Variants in NT5M observed in about 807,000 individuals in gnomAD.
The protein encoded by NT5M is 5',3'-nucleotidase, mitochondrial.
Under a neutral mutation model 22.2 loss-of-function variants are expected in NT5M, and 22 were observed. That is an observed-to-expected ratio of 0.99 (90% CI 0.71 to 1.41). The LOEUF (loss-of-function observed/expected upper bound fraction) is 1.41. Among genes scored for constraint, NT5M ranks in the 40% most tolerant of loss-of-function variants. The pLI is 0.00. For synonymous variants in NT5M, 167 were observed against 133.0 expected, an observed-to-expected ratio of 1.26 and a Z score of -1.76; for missense variants, 322 against 314.8, an observed-to-expected ratio of 1.02 and a Z score of -0.17.
chr17:17,320,097 C>T (rs2049119496), intron 2 of NT5M, among the ~76,000 whole-genome samples: 1 of 152,342 alleles, frequency 6.6e-6, no homozygotes, highest in Admixed American at 6.5e-5. Flanking sequence ...TTGCCTTGGC[C>T]ACTGAAAGTG....
chr17:17,335,164 CATG>C (rs1227559924), intron 3 of NT5M, among the ~76,000 whole-genome samples: 4 of 151,938 alleles, frequency 2.6e-5, no homozygotes, highest in Admixed American at 1.3e-4. Context: ...GGTAAATACA[CATG>C]ATAAAATTTA....
intron 3 of NT5M, among the ~76,000 whole-genome samples, chr17:17,328,999 A>G (rs189826773): frequency 3.9e-5 from 6 of 152,214 alleles, no homozygotes; most frequent in African/African-American, 1.4e-4. Context: ...TATTTTTTAG[A>G]CGGAGTCTCG....
intron 3 of NT5M, among the ~76,000 whole-genome samples, chr17:17,330,236 G>A (rs12951434): frequency 0.22 from 31,972 of 148,582 alleles, 3,597 homozygotes; most frequent in South Asian, 0.29. Context: ...TGAGACAGAG[G>A]TTGCAGTGAG....
At chr17:17,338,777 A>G (rs2049577811) in intron 3 of NT5M, among the ~76,000 whole-genome samples, 1 of 123,884 alleles carries the variant, frequency 8.1e-6, no homozygotes, top group Non-Finnish European at 1.6e-5. Context: ...CCCAAGCTGG[A>G]GTGCAGTGGC....
At chr17:17,321,749 G>A (rs1473270060) in intron 2 of NT5M, among the ~76,000 whole-genome samples, 1 of 151,888 alleles carries the variant, frequency 6.6e-6, no homozygotes, top group Non-Finnish European at 1.5e-5. Context: ...GGCCTGGGTG[G>A]AGGATGAGAA....
intron 1 of NT5M, chr17:17,304,510 CAG>C (rs746432991): frequency 3.8e-5 from 34 of 892,360 alleles, no homozygotes; most frequent in African/African-American, 1.4e-4. Context: ...GCAAAAGGAA[CAG>C]GGGATTTTGG....
At chr17:17,323,599 T>A (rs2145375760) in intron 3 of NT5M, among the ~76,000 whole-genome samples, 1 of 152,232 alleles carries the variant, frequency 6.6e-6, no homozygotes, top group East Asian at 1.9e-4. Context: ...ATACTCACTT[T>A]ATTATCTTTA....
At position 17,303,593 on chromosome 17, in the gene NT5M, G is replaced by C. The variant is rs570713467; in HGVS notation, c.43G>C (p.Ala15Pro). ...GGWCARRLCS[A>P]AVPAGRRGAA... is the part of the protein sequence containing the mutation. Reference sequence around the variant, plus strand: ...CTGGTGTGCGCGGCGGCTCTGCAGCGCGGCGGTTCCCGCGGGGCGGCGCGG... The same window carrying C: ...CTGGTGTGCGCGGCGGCTCTGCAGCCCGGCGGTTCCCGCGGGGCGGCGCGG... The change falls in exon 1 of 5, where the codon GCG becomes CCG. Residue 15 changes from alanine to proline, a missense_variant. Coordinates refer to ENST00000389022, the MANE Select transcript of NT5M (RefSeq NM_020201.4). 2 of 1,200,034 alleles carry C rather than the reference G, an allele frequency of 1.7e-6. No homozygotes were observed. The highest frequency in any genetic ancestry group is 3.2e-5 in the African/African-American group (2 of 62,068). The allele number at this position is 1,200,034 out of a possible 1,614,324, so 74.3% of individuals were successfully genotyped here. A position where few individuals can be genotyped will look rare whatever the true frequency, so the allele number is the denominator to read the frequency against.
intron 2 of NT5M, among the ~76,000 whole-genome samples, chr17:17,309,673 ATCT>A (rs762913674): frequency 2.2e-5 from 2 of 90,684 alleles, no homozygotes; most frequent in Non-Finnish European, 4.2e-5. Flanking sequence ...ATGCTCAAGC[ATCT>A]TTTTTTTTTT....
intron 1 of NT5M, among the ~76,000 whole-genome samples, chr17:17,305,816 T>C (rs1479799751): frequency 6.6e-6 from 1 of 151,946 alleles, no homozygotes; most frequent in African/African-American, 2.4e-5. Context: ...CAGCGGGGGT[T>C]GGGGAGTGGG....
intron 3 of NT5M, among the ~76,000 whole-genome samples, chr17:17,333,152 T>A (rs1245499191): frequency 6.6e-6 from 1 of 152,232 alleles, no homozygotes; most frequent in Non-Finnish European, 1.5e-5. Flanking sequence ...ATATTTTCTG[T>A]AACGAAATGT....
At chr17:17,304,262 G>C (rs2048743897) in intron 1 of NT5M, 1 of 281,426 alleles carries the variant, frequency 3.6e-6, no homozygotes, top group African/African-American at 2.3e-5. Context: ...AGCTTCCAGG[G>C]GTATTTGAGG....
In NT5M at chr17:17,306,562, G is replaced by C. The variant is rs767906119; in HGVS notation, c.287G>C (p.Trp96Ser). Reference sequence around the variant, plus strand: ...TCTCAGGAGAAGGCCATCAGCATTTGGGAGTCAAAGAATTTCTTTTTTGAA... The same window carrying C: ...TCTCAGGAGAAGGCCATCAGCATTTCGGAGTCAAAGAATTTCTTTTTTGAA... The part of the protein sequence containing the change: ...PGLSEKAISI[W>S]ESKNFFFELE... Residue 96 changes from tryptophan (W) to serine (S), a missense_variant, in exon 2 of 5, where the codon TGG becomes TCG. Trp to Ser is a radical substitution (Grantham distance 177, BLOSUM62 -3). Coordinates refer to ENST00000389022, the MANE Select transcript of NT5M (RefSeq NM_020201.4). 2 of 1,613,912 alleles carry C rather than the reference G, an allele frequency of 1.2e-6. No individual in the cohort carries two copies. Among genetic ancestry groups the C allele is most frequent in the Non-Finnish European group, 1.7e-6 (2 of 1,179,886 alleles).
At chr17:17,328,447 G>A (rs1032381661) in intron 3 of NT5M, among the ~76,000 whole-genome samples, 5 of 152,158 alleles carry the variant, frequency 3.3e-5, no homozygotes, top group African/African-American at 1.2e-4. Context: ...CTCACCCACC[G>A]TTTGTGCCCC....
intron 2 of NT5M, among the ~76,000 whole-genome samples, chr17:17,317,962 C>A (rs1317397511): frequency 9.2e-3 from 677 of 73,708 alleles, no homozygotes; most frequent in African/African-American, 0.015. Context: ...ACTCCATGAT[C>A]AAAAAAAAAA....
intron 3 of NT5M, among the ~76,000 whole-genome samples, chr17:17,339,304 T>C (rs1178394272): frequency 6.6e-6 from 1 of 152,164 alleles, no homozygotes; most frequent in African/African-American, 2.4e-5. Flanking sequence ...TCAGGATTGT[T>C]CCTGTTTTTT....
At chr17:17,311,520 C>T (rs2048922596) in intron 2 of NT5M, among the ~76,000 whole-genome samples, 3 of 152,154 alleles carry the variant, frequency 2.0e-5, no homozygotes, top group Admixed American at 2.0e-4. Context: ...TGTATTCACA[C>T]TCTTGCTGAG....
intron 3 of NT5M, among the ~76,000 whole-genome samples, chr17:17,324,421 T>C (rs2049222159): frequency 6.6e-6 from 1 of 150,784 alleles, no homozygotes; most frequent in South Asian, 2.1e-4. Flanking sequence ...GAGGTGGAGG[T>C]TGCAGTGAGC....
intron 3 of NT5M, among the ~76,000 whole-genome samples, chr17:17,339,235 T>G (rs1044400990): frequency 6.6e-6 from 1 of 152,198 alleles, no homozygotes; most frequent in South Asian, 2.1e-4. Context: ...TTATTTTATT[T>G]GTAGCTATTT....
Sources: gnomAD v4.1 joint callset for allele counts (sites outside exome capture counted in the v4.1 genomes callset) on GRCh38, gnomAD v4.1.1 for gene constraint, MANE v1.5 for transcripts, NCBI Gene and HGNC (gene_info 2026-07-23, HGNC 2026-07-21) for gene names.